Variants in LIPA observed in about 807,000 individuals in gnomAD.
The protein encoded by LIPA is lipase A, lysosomal acid type.
In LIPA, 26 loss-of-function variants were observed where a neutral mutation model predicts 40.6. The ratio of observed to expected loss-of-function variants is 0.64; its 90% CI spans 0.47 to 0.89. The LOEUF is 0.89. LIPA is among the 40% of genes least tolerant of loss of function. The probability of loss-of-function intolerance (pLI) is 0.00; values close to 1 mark genes in which losing one functional copy is unlikely to be tolerated. For synonymous variants in LIPA, 188 were observed against 168.4 expected (o/e 1.12, Z -0.90); for missense variants, 455 against 479.6 (o/e 0.95, Z 0.48).
At chr10:89,333,166 A>G (rs530603272) in intron 1 of LIPA, among the ~76,000 whole-genome samples, 9 of 152,326 alleles carry the variant, frequency 5.9e-5, no homozygotes, top group East Asian at 1.9e-4. Context: ...GTCCTCTAGC[A>G]GGTCTAGTGA....
chr10:89,374,079 C>T (rs1272326779), intron 2 of LIPA, among the ~76,000 whole-genome samples: 4 of 152,158 alleles, frequency 2.6e-5, no homozygotes, highest in African/African-American at 7.2e-5. Context: ...AATTTTACAA[C>T]CTTGCAGCCC....
chr10:89,345,732 C>T (rs762755150), upstream of LIPA, among the ~76,000 whole-genome samples: 5 of 151,804 alleles, frequency 3.3e-5, no homozygotes, highest in African/African-American at 4.8e-5. Context: ...AAGACAGATT[C>T]GAAGAAACTA....
At chr10:89,402,425 C>T (rs41284944) in intron 2 of LIPA, 50,789 of 1,614,024 alleles carry the variant, frequency 0.031, 1,462 homozygotes, top group African/African-American at 0.14. Flanking sequence ...ACACCAAATA[C>T]AGTGTGGGAA....
At chr10:89,321,861 C>T (rs1843573940) in intron 1 of LIPA, among the ~76,000 whole-genome samples, 1 of 152,164 alleles carries the variant, frequency 6.6e-6, no homozygotes, top group African/African-American at 2.4e-5. Context: ...AAATGTGGCA[C>T]ATATACACCA....
chr10:89,289,245 C>T (rs1309469682), intron 1 of LIPA, among the ~76,000 whole-genome samples: 1 of 152,250 alleles, frequency 6.6e-6, no homozygotes, highest in Admixed American at 6.5e-5. Context: ...ATCGTCATTT[C>T]ATAACCTCTT....
intron 2 of LIPA, among the ~76,000 whole-genome samples, chr10:89,410,942 G>C (rs303173): frequency 0.17 from 26,328 of 152,220 alleles, 2,929 homozygotes; most frequent in East Asian, 0.44. Context: ...GAGAGGAAGA[G>C]AGAGACGAAG....
chr10:89,384,082 G>A (rs1401509683), intron 2 of LIPA: 1 of 1,614,076 alleles, frequency 6.2e-7, no homozygotes, highest in Non-Finnish European at 8.5e-7. Flanking sequence ...CTTTCAATAT[G>A]CAGCCAAGTT....
intron 3 of LIPA, among the ~76,000 whole-genome samples, chr10:89,229,678 G>A (rs970029737): frequency 7.9e-5 from 12 of 151,804 alleles, no homozygotes; most frequent in African/African-American, 2.4e-4. Flanking sequence ...GCTTGAACCC[G>A]GGAGGCAGAG....
At chr10:89,414,250 G>C (rs1480815927) in intron 1 of LIPA, among the ~76,000 whole-genome samples, 1 of 152,234 alleles carries the variant, frequency 6.6e-6, no homozygotes, top group South Asian at 2.1e-4. Context: ...TGGAGTGGAA[G>C]CAGGGACTTA....
chr10:89,254,158 G>C (rs2482627), upstream of LIPA, among the ~76,000 whole-genome samples: 2 of 152,230 alleles, frequency 1.3e-5, no homozygotes, highest in African/African-American at 4.8e-5. Context: ...GGGACTCTGT[G>C]TGAGGCCTCC....
chr10:89,254,424 G>A (rs1224208827), upstream of LIPA, among the ~76,000 whole-genome samples: 1 of 152,204 alleles, frequency 6.6e-6, no homozygotes, highest in Non-Finnish European at 1.5e-5. Flanking sequence ...CATGGCTAGA[G>A]TGACTGGGAC....
chr10:89,353,517 A>G (rs1690531419), intron 2 of LIPA, among the ~76,000 whole-genome samples: 1 of 152,200 alleles, frequency 6.6e-6, no homozygotes, highest in South Asian at 2.1e-4. Context: ...ACCCCAAGTC[A>G]AAGGTTAAAT....
At chr10:89,328,594 A>C (rs1325688257) in intron 1 of LIPA, among the ~76,000 whole-genome samples, 1 of 152,230 alleles carries the variant, frequency 6.6e-6, no homozygotes, top group Non-Finnish European at 1.5e-5. Context: ...CTCATGAAGA[A>C]GGCAATTTTG....
intron 2 of LIPA, among the ~76,000 whole-genome samples, chr10:89,357,032 C>T (rs1011003500): frequency 6.6e-6 from 1 of 152,082 alleles, no homozygotes; most frequent in African/African-American, 2.4e-5. Flanking sequence ...GCAACCAGCC[C>T]ACATAATGAA....
chr10:89,412,730 G>A, intron 2 of LIPA: 1 of 438,712 alleles, frequency 2.3e-6, no homozygotes, highest in Admixed American at 2.5e-5. Flanking sequence ...TTTAAGATCT[G>A]TAACACTCAC....
At chr10:89,388,867 G>C (rs1313596425) in intron 2 of LIPA, among the ~76,000 whole-genome samples, 1 of 152,096 alleles carries the variant, frequency 6.6e-6, no homozygotes, top group Non-Finnish European at 1.5e-5. Context: ...CAAACTGTGG[G>C]TCAAGGTGGG....
rs547620983 is a variant in LIPA, at chr10:89,320,092, C to T, written c.-2+22519G>A. Among the ~76,000 whole-genome samples, 4 of 152,248 alleles carry T rather than the reference C, an allele frequency of 2.6e-5. No individual in the cohort carries two copies. The South Asian group carries it at 6.2e-4, about 24-fold the overall frequency. On this transcript the variant is annotated intron_variant, in intron 1 of 5. Coordinates refer to the LIPA transcript ENST00000282673. ...TCAAAATAATAAGAGCTATTTATGA[C>T]AAACCCACAGCCAATATCATACTGA...
chr10:89,358,431 A>G (rs1214847073), intron 2 of LIPA, among the ~76,000 whole-genome samples: 1 of 152,222 alleles, frequency 6.6e-6, no homozygotes, highest in Non-Finnish European at 1.5e-5. Flanking sequence ...CTGGATATAT[A>G]TTTTTAAAAA....
chr10:89,258,856 A>G (rs777111463), intron 1 of LIPA, among the ~76,000 whole-genome samples: 1 of 152,244 alleles, frequency 6.6e-6, no homozygotes, highest in Non-Finnish European at 1.5e-5. Flanking sequence ...TGTTCATACA[A>G]TGGAATATTC....
Sources: gnomAD v4.1 joint callset for allele counts (sites outside exome capture counted in the v4.1 genomes callset) on GRCh38, gnomAD v4.1.1 for gene constraint, MANE v1.5 for transcripts, NCBI Gene and HGNC (gene_info 2026-07-23, HGNC 2026-07-21) for gene names.